TIMP2: variants seen among roughly 807,000 people sequenced by gnomAD.
The protein encoded by TIMP2 is metalloproteinase inhibitor 2.
A neutral mutation model predicts 24.3 loss-of-function variants in TIMP2; 5 were observed. The ratio of observed to expected loss-of-function variants is 0.21; its 90% CI spans 0.11 to 0.43. The LOEUF (loss-of-function observed/expected upper bound fraction) is 0.43, where lower values mean the gene tolerates loss of function less well. TIMP2 is among the 20% of genes least tolerant of loss of function. The pLI, the probability that TIMP2 is intolerant of heterozygous loss-of-function variation, is 1.00. For missense variants in TIMP2, 221 were observed against 297.5 expected, an observed-to-expected ratio of 0.74 and a Z score of 1.89; for synonymous variants, 130 against 123.2, an observed-to-expected ratio of 1.06 and a Z score of -0.37.
At chr17:78,857,759 T>G in intron 3 of TIMP2, 113 bp from the exon 4 acceptor site, 1 of 1,404,592 alleles carries the variant, frequency 7.1e-7, no homozygotes, top group Middle Eastern at 2.5e-4. Flanking sequence ...TCCTGTGCAC[T>G]GTCTATTCTG....
At chr17:78,856,097 G>A (rs1179519801) in intron 4 of TIMP2, 2 of 573,090 alleles carry the variant, frequency 3.5e-6, no homozygotes, top group Non-Finnish European at 3.1e-6. Flanking sequence ...TACTGCAGGT[G>A]TGCTTCCCTT....
At chr17:78,910,013 G>A (rs888766596) in intron 1 of TIMP2, among the ~76,000 whole-genome samples, 9 of 152,074 alleles carry the variant, frequency 5.9e-5, no homozygotes, top group African/African-American at 2.2e-4. Flanking sequence ...ATTTTTAATG[G>A]ACACATAATT....
chr17:78,863,488 C>T (rs538875195), intron 3 of TIMP2, among the ~76,000 whole-genome samples: 7 of 152,162 alleles, frequency 4.6e-5, no homozygotes, highest in South Asian at 2.1e-4. Flanking sequence ...ATGATCCACT[C>T]GCCTCAGCCT....
chr17:78,874,990 C>A (rs1412741021), intron 1 of TIMP2, among the ~76,000 whole-genome samples: 1 of 152,160 alleles, frequency 6.6e-6, no homozygotes, highest in African/African-American at 2.4e-5. Context: ...ATCCACCTGC[C>A]TCAGCCTCCC....
At position 78,870,879 on chromosome 17, in the gene TIMP2, TG is replaced by T. The variant is rs772585889; in HGVS notation, c.340+18del. ...CACTTCTGTGCCAGCCTCCGGCTGATGGCCCCACTCATACACACCTGCAATG... is the reference window on the plus strand; with the variant it reads ...CACTTCTGTGCCAGCCTCCGGCTGATGCCCCACTCATACACACCTGCAATG... On this transcript the variant is annotated intron_variant, in intron 3 of 4. Coordinates refer to ENST00000262768, the MANE Select transcript of TIMP2 (RefSeq NM_003255.5). 3.1e-6 allele frequency: 5 copies of T among 1,605,580 alleles called. No individual in the cohort carries two copies. The highest frequency in any genetic ancestry group is 4.3e-6 in the Non-Finnish European group (5 of 1,173,530).
chr17:78,899,592 G>A (rs371174360), intron 1 of TIMP2: 3 of 152,210 alleles, frequency 2.0e-5, no homozygotes, highest in South Asian at 4.1e-4. Flanking sequence ...GCTTGAGAAC[G>A]GTCAAGCAGC....
intron 3 of TIMP2, among the ~76,000 whole-genome samples, chr17:78,864,424 G>A (rs2069592832): frequency 8.3e-6 from 1 of 120,278 alleles, no homozygotes; most frequent in South Asian, 2.8e-4. Context: ...TTCCTGTTTT[G>A]TAGAGATAGG....
At position 78,925,097 on chromosome 17, in the gene TIMP2, GGGGGGCTGGGCGGGC is replaced by G; in HGVS notation, c.-24_-10del. 5 of 974,860 alleles carry G rather than the reference GGGGGGCTGGGCGGGC, an allele frequency of 5.1e-6. No homozygotes were observed. The highest frequency in any genetic ancestry group is 6.1e-6 in the Non-Finnish European group (5 of 819,698). The allele number at this position is 974,860 out of a possible 1,614,324, so 60.4% of individuals were successfully genotyped here. ...CGGGCCGCGGCGCCCATGGCGGGCCGGGGGGCTGGGCGGGCGGGGGCCGCCGCTGGGGGGTCCGGG... is the reference window on the plus strand; with the variant it reads ...CGGGCCGCGGCGCCCATGGCGGGCCGGGGGGCCGCCGCTGGGGGGTCCGGG... On this transcript the variant is annotated 5_prime_UTR_variant, in exon 1 of 5. Transcript: ENST00000262768.
In TIMP2 at chr17:78,896,906, T is replaced by C; in HGVS notation, c.131-22987A>G. 1.0e-6 allele frequency: 1 copy of C among 984,936 alleles called. No individual in the cohort carries two copies. Among genetic ancestry groups the C allele is most frequent in the Non-Finnish European group, 1.2e-6 (1 of 829,564 alleles). The allele number at this position is 984,936 out of a possible 1,614,324, so 61.0% of individuals were successfully genotyped here. ...CGATCCCAGCACCTGGGCCCAGGAA[T>C]GTGCTTGGCCACCAGATTCCCAGCG... On this transcript the variant is annotated intron_variant, in intron 1 of 4. Transcript: ENST00000262768. The surrounding 1 kb of genome is among the most constrained non-coding windows in gnomAD (Gnocchi z 4.4).
rs535227933 is a variant in TIMP2 at position 78,918,671 on chromosome 17, G to A, written c.130+6288C>T. ...CCACGGGCAACAAAAACAAAACCTT[G>A]GCCAAGCACTCACAATATCAGATAT... is the stretch of plus-strand genomic sequence containing the variant. On this transcript the variant is annotated intron_variant, in intron 1 of 4. Transcript: ENST00000262768. Among the ~76,000 whole-genome samples the A allele has an allele frequency of 2.2e-3, 331 of 152,180 alleles. 3 individuals are homozygous for A. Among genetic ancestry groups the A allele is most frequent in the Non-Finnish European group, 8.4e-4 (57 of 68,028 alleles).
chr17:78,906,645 C>T lies in TIMP2; in HGVS notation c.130+18314G>A, dbSNP rs546156481. On this transcript the variant is annotated intron_variant, in intron 1 of 4. Transcript: ENST00000262768. ...TTGCCCAGGCTGGAGTACAGTGGTGCGATCTCGGCTCACTGCAACCTCCAT... is the reference window on the plus strand; with the variant it reads ...TTGCCCAGGCTGGAGTACAGTGGTGTGATCTCGGCTCACTGCAACCTCCAT... 4.6e-5 allele frequency among the ~76,000 whole-genome samples: 7 copies of T among 151,910 alleles called. 1 individual carries two copies. The highest frequency in any genetic ancestry group is 1.2e-4 in the African/African-American group (5 of 41,450).
chr17:78,874,342 C>A (rs998425831), intron 1 of TIMP2, among the ~76,000 whole-genome samples: 1 of 152,156 alleles, frequency 6.6e-6, no homozygotes, highest in Admixed American at 6.5e-5. Flanking sequence ...CAAGCAGGTA[C>A]CCCATGGAAC....
At chr17:78,892,162 C>T (rs1351221100) in intron 1 of TIMP2, 3 of 1,551,010 alleles carry the variant, frequency 1.9e-6, no homozygotes, top group Non-Finnish European at 2.6e-6. Flanking sequence ...ACCCTCTCCT[C>T]AACTCCTCAG....
At position 78,905,464 on chromosome 17, in the gene TIMP2, C is replaced by A. The variant is rs147025384; in HGVS notation, c.130+19495G>T. Among the ~76,000 whole-genome samples, 3 of 152,374 alleles carry A rather than the reference C, an allele frequency of 2.0e-5. No individual in the cohort carries two copies. In the East Asian group the frequency reaches 5.8e-4, roughly 29 times the overall value. On this transcript the variant is annotated intron_variant, in intron 1 of 4. Coordinates refer to ENST00000262768, the MANE Select transcript of TIMP2 (RefSeq NM_003255.5). Reference sequence around the variant, plus strand: ...TAGATACAAAATCTTCTATATGCTTCTTCCTCGGAGAAGATCCCTACATCT... The same window carrying A: ...TAGATACAAAATCTTCTATATGCTTATTCCTCGGAGAAGATCCCTACATCT...
intron 1 of TIMP2, among the ~76,000 whole-genome samples, chr17:78,888,889 G>A (rs966503140): frequency 6.6e-6 from 1 of 152,180 alleles, no homozygotes; most frequent in Admixed American, 6.5e-5. Flanking sequence ...GCCATTCGTG[G>A]ACCAATGATA....
chr17:78,908,341 G>A (rs1247506366), intron 1 of TIMP2, among the ~76,000 whole-genome samples: 2 of 152,142 alleles, frequency 1.3e-5, no homozygotes, highest in Admixed American at 1.3e-4. Flanking sequence ...AAGATATAGG[G>A]CTGCCTGATC....
chr17:78,908,330 CAA>C (rs1306993002), intron 1 of TIMP2, among the ~76,000 whole-genome samples: 1 of 152,090 alleles, frequency 6.6e-6, no homozygotes, highest in Admixed American at 6.6e-5. Flanking sequence ...AGAAAAACTC[CAA>C]GATATAGGGC....
intron 1 of TIMP2, among the ~76,000 whole-genome samples, chr17:78,895,250 C>T (rs564516908): frequency 2.0e-5 from 3 of 152,242 alleles, no homozygotes; most frequent in South Asian, 2.1e-4. Context: ...CATTGCACTC[C>T]AGCCTGGATG....
intron 1 of TIMP2, chr17:78,892,057 C>G (rs1427344014): frequency 5.8e-6 from 9 of 1,551,272 alleles, no homozygotes. Context: ...GCGAGTCAGG[C>G]TCATTTTCCC....
Sources: allele counts gnomAD v4.1 joint callset (sites outside exome capture counted in the v4.1 genomes callset), GRCh38; gene constraint gnomAD v4.1.1; non-coding constraint Gnocchi (gnomAD v3.1); transcripts MANE v1.5; gene names NCBI Gene and HGNC (gene_info 2026-07-23, HGNC 2026-07-21).